Variants in MTUS2 observed in about 807,000 individuals in gnomAD.
The protein encoded by MTUS2 is microtubule associated scaffold protein 2.
A neutral mutation model predicts 114.1 loss-of-function variants in MTUS2; 40 were observed. That is an observed-to-expected ratio of 0.35 (90% CI 0.27 to 0.46). The LOEUF (loss-of-function observed/expected upper bound fraction) is 0.46. MTUS2 is among the 20% of genes least tolerant of loss of function. The pLI is 1.00. For missense variants in MTUS2, 1,679 were observed against 1,705.4 expected, an observed-to-expected ratio of 0.98 and a Z score of 0.27; for synonymous variants, 688 against 672.0, an observed-to-expected ratio of 1.02 and a Z score of -0.37.
Position 29,040,418 on chromosome 13 carries a change from A to G in MTUS2, c.2446+6293A>G, listed in dbSNP as rs530141776. ...TATTTTTGCAATTGCGAATTCTGCT[A>G]TTATAAACGTGTGTGCAAGTATCTT... On this transcript the variant is annotated intron_variant, in intron 4 of 15. Transcript: ENST00000612955. Among the ~76,000 whole-genome samples the G allele has an allele frequency of 9.2e-5, 14 of 152,290 alleles. No individual in the cohort carries two copies. The South Asian group carries it at 2.9e-3, about 32-fold the overall frequency.
intron 2 of MTUS2, among the ~76,000 whole-genome samples, chr13:28,994,426 A>C (rs1200995686): frequency 6.6e-6 from 1 of 152,196 alleles, no homozygotes; most frequent in Non-Finnish European, 1.5e-5. Context: ...CAGTAATGGG[A>C]TGGCTGGGTC....
At chr13:28,893,954 A>G (rs1224104823) in intron 2 of MTUS2, among the ~76,000 whole-genome samples, 1 of 152,116 alleles carries the variant, frequency 6.6e-6, no homozygotes, top group Non-Finnish European at 1.5e-5. Flanking sequence ...TACAGCAAGT[A>G]AGTCACACTT....
chr13:28,914,594 T>C (rs184325028), intron 2 of MTUS2, among the ~76,000 whole-genome samples: 17 of 152,268 alleles, frequency 1.1e-4, no homozygotes, highest in Admixed American at 3.9e-4. Flanking sequence ...TGTAGATATT[T>C]ATCAGGTCCA....
At position 29,137,518 on chromosome 13, in the gene MTUS2, GCT is replaced by G. The variant is rs565084820; in HGVS notation, c.2644+36551_2644+36552del. The stretch of plus-strand genomic sequence containing the variant: ...GATGGTGTCCCACAAGTCCCTTAGA[GCT>G]CTGTTTACTTTTCTTCAGTCTTCTT... On this transcript the variant is annotated intron_variant, in intron 5 of 15. Coordinates refer to ENST00000612955, the MANE Select transcript of MTUS2 (RefSeq NM_001033602.4). Among the ~76,000 whole-genome samples the G allele has an allele frequency of 9.9e-5, 15 of 151,822 alleles. No individual in the cohort carries two copies. The East Asian group carries it at 2.9e-3, about 29-fold the overall frequency.
intron 6 of MTUS2, among the ~76,000 whole-genome samples, chr13:29,312,442 C>T (rs1385403836): frequency 1.3e-5 from 2 of 152,158 alleles, no homozygotes; most frequent in African/African-American, 4.8e-5. Flanking sequence ...TCAAGTAAAA[C>T]TACAGGATCT....
intron 5 of MTUS2, among the ~76,000 whole-genome samples, chr13:29,134,953 C>T (rs978755845): frequency 6.6e-6 from 1 of 152,130 alleles, no homozygotes; most frequent in Non-Finnish European, 1.5e-5. Context: ...ACAGTAGGCC[C>T]CTTTATCCAT....
chr13:29,231,350 G>T (rs2139360761), intron 5 of MTUS2, among the ~76,000 whole-genome samples: 1 of 152,170 alleles, frequency 6.6e-6, no homozygotes, highest in African/African-American at 2.4e-5. Flanking sequence ...ATACTTTCCT[G>T]CTGCTGTCTG....
Position 29,023,224 on chromosome 13 carries a change from G to A in MTUS2, c.-242-1233G>A, listed in dbSNP as rs1420032454. Reference sequence around the variant, plus strand: ...TAATGAACATGGTACTGTGAGGAATGAGGCCAATGTGGCTGCAGCCTGCAG... The same window carrying A: ...TAATGAACATGGTACTGTGAGGAATAAGGCCAATGTGGCTGCAGCCTGCAG... On this transcript the variant is annotated intron_variant, in intron 2 of 15. Transcript: ENST00000612955. 2.6e-5 allele frequency among the ~76,000 whole-genome samples: 4 copies of A among 152,352 alleles called. No homozygotes were observed. The South Asian group carries it at 6.2e-4, about 24-fold the overall frequency.
At chr13:29,167,860 G>C (rs905893698) in intron 5 of MTUS2, among the ~76,000 whole-genome samples, 2 of 152,036 alleles carry the variant, frequency 1.3e-5, no homozygotes, top group Admixed American at 1.3e-4. Flanking sequence ...AAACATTTCA[G>C]GTAAAGGATA....
intron 5 of MTUS2, among the ~76,000 whole-genome samples, chr13:29,156,723 C>T (rs186060286): frequency 9.2e-5 from 14 of 152,140 alleles, no homozygotes; most frequent in East Asian, 3.9e-4. Flanking sequence ...AAGAGTTATT[C>T]GTTTATATGA....
intron 5 of MTUS2, among the ~76,000 whole-genome samples, chr13:29,203,508 C>T (rs957056721): frequency 2.0e-5 from 3 of 149,844 alleles, no homozygotes; most frequent in Non-Finnish European, 4.4e-5. Context: ...GCCCCCTTTC[C>T]AGGGGAGTGA....
At chr13:29,228,230 C>T (rs1381372811) in intron 5 of MTUS2, among the ~76,000 whole-genome samples, 1 of 152,186 alleles carries the variant, frequency 6.6e-6, no homozygotes, top group Non-Finnish European at 1.5e-5. Context: ...TCGTGGAATA[C>T]TGTACAGACA....
At chr13:29,457,203 A>G (rs905945003) in intron 9 of MTUS2, among the ~76,000 whole-genome samples, 1 of 151,894 alleles carries the variant, frequency 6.6e-6, no homozygotes, top group Non-Finnish European at 1.5e-5. Context: ...TTAAATGTTC[A>G]GTTTGAGAAG....
At chr13:29,412,994 A>C (rs1372025081) in intron 8 of MTUS2, among the ~76,000 whole-genome samples, 2 of 152,164 alleles carry the variant, frequency 1.3e-5, no homozygotes, top group Non-Finnish European at 2.9e-5. Context: ...AGTTTTTCTC[A>C]TATTACATGT....
At chr13:29,112,506 A>G (rs1342096642) in intron 5 of MTUS2, among the ~76,000 whole-genome samples, 1 of 152,186 alleles carries the variant, frequency 6.6e-6, no homozygotes, top group East Asian at 1.9e-4. Context: ...GGGGGTAAGG[A>G]AGGTAAAGGT....
At chr13:29,121,508 T>C (rs1212110024) in intron 5 of MTUS2, among the ~76,000 whole-genome samples, 2 of 151,958 alleles carry the variant, frequency 1.3e-5, no homozygotes, top group African/African-American at 2.4e-5. Context: ...TAGATAGATA[T>C]GGGGAATTTT....
intron 7 of MTUS2, among the ~76,000 whole-genome samples, chr13:29,330,003 G>C (rs1380264400): frequency 6.6e-6 from 1 of 152,112 alleles, no homozygotes. Context: ...TCTGGTTCTA[G>C]ATCCTTGAGG....
chr13:28,822,873 C>A (rs1874005721), intron 1 of MTUS2, among the ~76,000 whole-genome samples: 1 of 152,152 alleles, frequency 6.6e-6, no homozygotes, highest in Non-Finnish European at 1.5e-5. Context: ...AAAATCTGTA[C>A]AATATCATAG....
chr13:29,135,657 T>C (rs896672355), intron 5 of MTUS2, among the ~76,000 whole-genome samples: 3 of 152,164 alleles, frequency 2.0e-5, no homozygotes, highest in Middle Eastern at 3.2e-3. Flanking sequence ...TTTTTTTTAG[T>C]AAAACATTTT....
Sources: gnomAD v4.1 joint callset for allele counts (sites outside exome capture counted in the v4.1 genomes callset) on GRCh38, gnomAD v4.1.1 for gene constraint, MANE v1.5 for transcripts, NCBI Gene and HGNC (gene_info 2026-07-23, HGNC 2026-07-21) for gene names.